TENM3: variants seen among roughly 807,000 people sequenced by gnomAD.
TENM3 encodes the protein teneurin transmembrane protein 3.
Under a neutral mutation model 255.1 loss-of-function variants are expected in TENM3, and 63 were observed. That is an observed-to-expected ratio of 0.25 (90% CI 0.20 to 0.30). The LOEUF is 0.30. Among genes scored for constraint, TENM3 ranks in the 10% least tolerant of loss-of-function variants. The pLI, the probability that TENM3 is intolerant of heterozygous loss-of-function variation, is 1.00. For synonymous variants in TENM3, 1,306 were observed against 1,322.3 expected (o/e 0.99, Z 0.27); for missense variants, 2,929 against 3,461.1 (o/e 0.85, Z 3.86).
chr4:182,651,457 G>A (rs771408788), intron 5 of TENM3, among the ~76,000 whole-genome samples: 8 of 152,246 alleles, frequency 5.3e-5, no homozygotes, highest in African/African-American at 9.6e-5. Context: ...TTGGGAGGCC[G>A]AGGCATGCGG....
chr4:182,418,365 G>A (rs1321300870), intron 3 of TENM3, among the ~76,000 whole-genome samples: 1 of 152,050 alleles, frequency 6.6e-6, no homozygotes, highest in East Asian at 1.9e-4. Flanking sequence ...ATTTAACCAC[G>A]GAATTCGTAA....
At chr4:181,716,337 ATTT>A in the TENM3 span, among the ~76,000 whole-genome samples, 1 of 152,238 alleles carries the variant, frequency 6.6e-6, no homozygotes, top group Non-Finnish European at 1.5e-5. Flanking sequence ...CCAAAATATT[ATTT>A]AAGCATGTAA....
intron 3 of TENM3, among the ~76,000 whole-genome samples, chr4:182,587,849 G>T (rs1189174578): frequency 1.3e-5 from 2 of 152,044 alleles, no homozygotes; most frequent in African/African-American, 2.4e-5. Context: ...TGTACCTTAA[G>T]ATGTTAATAG....
chr4:181,689,799 T>C, the TENM3 span, among the ~76,000 whole-genome samples: 1 of 152,146 alleles, frequency 6.6e-6, no homozygotes, highest in Non-Finnish European at 1.5e-5. Context: ...CACTGAAGTG[T>C]GCTTTTCTTC....
At chr4:182,309,790 C>G (rs1339219330) in intron 1 of TENM3, among the ~76,000 whole-genome samples, 2 of 152,188 alleles carry the variant, frequency 1.3e-5, no homozygotes, top group Admixed American at 6.5e-5. Context: ...ACCAGCTCCC[C>G]CAGATTACTG....
chr4:182,745,068 TTAA>T (rs1237403503), intron 19 of TENM3, among the ~76,000 whole-genome samples: 1 of 152,150 alleles, frequency 6.6e-6, no homozygotes, highest in African/African-American at 2.4e-5. Flanking sequence ...GATAGAAATA[TTAA>T]TAATATTTTA....
chr4:182,284,838 G>A (rs1035930401), intron 1 of TENM3, among the ~76,000 whole-genome samples: 5 of 152,176 alleles, frequency 3.3e-5, no homozygotes, highest in Non-Finnish European at 5.9e-5. Flanking sequence ...AGACAGGGCT[G>A]TTTTAGTCCA....
chr4:182,797,960 C>G (rs1489279718), intron 27 of TENM3, among the ~76,000 whole-genome samples: 2 of 152,078 alleles, frequency 1.3e-5, no homozygotes, highest in African/African-American at 4.8e-5. Flanking sequence ...CAAATATAGT[C>G]GTGTGTGTGC....
At chr4:182,052,723 T>C in the TENM3 span, among the ~76,000 whole-genome samples, 1 of 152,046 alleles carries the variant, frequency 6.6e-6, no homozygotes, top group African/African-American at 2.4e-5. Flanking sequence ...TCACAGCAGA[T>C]GGGAAATGGG....
chr4:182,112,131 G>A, the TENM3 span, among the ~76,000 whole-genome samples: 6 of 152,022 alleles, frequency 3.9e-5, no homozygotes, highest in East Asian at 1.2e-3. Context: ...CTCCAGCCTG[G>A]GTGACAGAGG....
At chr4:182,037,535 G>A in the TENM3 span, among the ~76,000 whole-genome samples, 4 of 152,164 alleles carry the variant, frequency 2.6e-5, no homozygotes, top group South Asian at 2.1e-4. Context: ...ATTTTCCTAG[G>A]AGATAGTTGT....
At chr4:182,294,395 T>G (rs981605193) in intron 1 of TENM3, among the ~76,000 whole-genome samples, 3 of 151,710 alleles carry the variant, frequency 2.0e-5, no homozygotes, top group Non-Finnish European at 2.9e-5. Context: ...TTCACCCTGG[T>G]TTTTTTTCAC....
chr4:182,403,223 C>T (rs1039133817), intron 3 of TENM3, among the ~76,000 whole-genome samples: 2 of 152,132 alleles, frequency 1.3e-5, no homozygotes, highest in Non-Finnish European at 2.9e-5. Context: ...AAGATTTCTC[C>T]AGTAAGACAT....
the TENM3 span, among the ~76,000 whole-genome samples, chr4:181,847,485 A>C: frequency 2.0e-5 from 3 of 152,046 alleles, no homozygotes; most frequent in Non-Finnish European, 2.9e-5. Context: ...TTTCAGAAAA[A>C]ATTAAATCCC....
At chr4:182,095,622 G>A in the TENM3 span, among the ~76,000 whole-genome samples, 2 of 152,074 alleles carry the variant, frequency 1.3e-5, no homozygotes, top group African/African-American at 4.8e-5. Context: ...GATACCTGGT[G>A]TTCAGTTAGA....
chr4:182,517,408 G>A (rs1738094414), intron 3 of TENM3, among the ~76,000 whole-genome samples: 1 of 119,510 alleles, frequency 8.4e-6, no homozygotes, highest in Non-Finnish European at 1.7e-5. Flanking sequence ...TTTTGAGACG[G>A]AGTCTCGCTC....
chr4:182,623,459 C>A (rs1486465907), intron 4 of TENM3, among the ~76,000 whole-genome samples: 2 of 147,764 alleles, frequency 1.4e-5, no homozygotes, highest in Admixed American at 1.4e-4. Context: ...CCCGCCATCA[C>A]ATCTGGCTAA....
chr4:182,339,373 T>G (rs1341249955), intron 2 of TENM3, among the ~76,000 whole-genome samples: 1 of 152,232 alleles, frequency 6.6e-6, no homozygotes, highest in Non-Finnish European at 1.5e-5. Flanking sequence ...ACAAGTTAAA[T>G]AGCTCTAGTT....
chr4:181,537,695 A>G, the TENM3 span, among the ~76,000 whole-genome samples: 3 of 152,352 alleles, frequency 2.0e-5, no homozygotes, highest in East Asian at 5.8e-4. Flanking sequence ...ACAAAGAACC[A>G]GATAAGCTAA....
Sources: allele counts gnomAD v4.1 joint callset (sites outside exome capture counted in the v4.1 genomes callset), GRCh38; gene constraint gnomAD v4.1.1; transcripts MANE v1.5; gene names NCBI Gene and HGNC (gene_info 2026-07-23, HGNC 2026-07-21).